The following AKT3 variants were observed in gnomAD, a reference collection of about 807,000 sequenced individuals.
AKT3 encodes the protein AKT serine/threonine kinase 3, also known as RAC-gamma serine/threonine-protein kinase.
Under a neutral mutation model 65.3 loss-of-function variants are expected in AKT3, and 15 were observed. That is an observed-to-expected ratio of 0.23 (90% CI 0.15 to 0.35). The LOEUF is 0.35. Among genes scored for constraint, AKT3 ranks in the 10% least tolerant of loss-of-function variants. The pLI is 1.00. For synonymous variants in AKT3, 206 were observed against 183.8 expected (o/e 1.12, Z -0.98); for missense variants, 243 against 576.5 (o/e 0.42, Z 5.92).
chr1:243,778,252 T>A (rs1485236111), intron 2 of AKT3, among the ~76,000 whole-genome samples: 1 of 152,178 alleles, frequency 6.6e-6, no homozygotes, highest in South Asian at 2.1e-4. Context: ...AGCAAATCTT[T>A]GGTTATCTGT....
intron 2 of AKT3, among the ~76,000 whole-genome samples, chr1:243,788,535 A>C (rs1385782411): frequency 1.3e-5 from 2 of 152,188 alleles, no homozygotes; most frequent in African/African-American, 4.8e-5. Flanking sequence ...ACCTACACAC[A>C]TTATCCTGTA....
intron 8 of AKT3, among the ~76,000 whole-genome samples, chr1:243,573,437 T>C (rs1674706907): frequency 6.6e-6 from 1 of 152,166 alleles, no homozygotes; most frequent in Non-Finnish European, 1.5e-5. Context: ...ATATTTTCAC[T>C]TAATTATTTG....
At chr1:243,518,435 G>C (rs1417075241) in intron 12 of AKT3, among the ~76,000 whole-genome samples, 2 of 152,086 alleles carry the variant, frequency 1.3e-5, no homozygotes, top group Non-Finnish European at 2.9e-5. Flanking sequence ...GACCAGACTG[G>C]CCAACATGGT....
At chr1:243,804,708 G>A (rs562433431) in intron 2 of AKT3, among the ~76,000 whole-genome samples, 17 of 151,980 alleles carry the variant, frequency 1.1e-4, no homozygotes, top group Admixed American at 1.3e-4. Context: ...TTAGCCGGGC[G>A]TGGTGGCAGG....
At chr1:243,592,352 A>AAAAC (rs1366177213) in intron 8 of AKT3, among the ~76,000 whole-genome samples, 9 of 152,046 alleles carry the variant, frequency 5.9e-5, no homozygotes, top group African/African-American at 7.2e-5. Flanking sequence ...AAAAAGACAA[A>AAAAC]AAACAAACAA....
Position 243,569,333 on chromosome 1 carries a change from C to T in AKT3, c.819+3593G>A, listed in dbSNP as rs544000011. On this transcript the variant is annotated intron_variant, in intron 9 of 13. Transcript: ENST00000673466. ...TGCCAGGCTATTTACAAATTTATTACGAATAAGGTACATAGTCCAATACCA... is the reference window on the plus strand; with the variant it reads ...TGCCAGGCTATTTACAAATTTATTATGAATAAGGTACATAGTCCAATACCA... Among the ~76,000 whole-genome samples the T allele has an allele frequency of 3.5e-4, 53 of 152,250 alleles. 1 individual carries two copies. The highest frequency in any genetic ancestry group is 1.2e-3 in the African/African-American group (48 of 41,554).
chr1:243,646,290 G>A (rs565852825), intron 4 of AKT3, among the ~76,000 whole-genome samples: 1 of 151,750 alleles, frequency 6.6e-6, no homozygotes, highest in South Asian at 2.1e-4. Flanking sequence ...GAAAAAAATT[G>A]TTGAAAACTC....
At position 243,735,065 on chromosome 1, in the gene AKT3, T is replaced by G. The variant is rs1214929924; in HGVS notation, c.47-39349A>C. ...GGCTGCCATCTCCAATAACAACGCC[T>G]TCTTCTGTAACACCTCCTGAAGGAC... On this transcript the variant is annotated intron_variant, in intron 2 of 13. Coordinates refer to ENST00000673466, the MANE Select transcript of AKT3 (RefSeq NM_005465.7). 71 of 152,296 alleles carry G rather than the reference T, an allele frequency of 4.7e-4. 1 individual carries two copies. Among genetic ancestry groups the G allele is most frequent in the Admixed American group, 4.6e-3 (71 of 15,300 alleles). The allele number at this position is 152,296 out of a possible 1,614,324, so 9.4% of individuals were successfully genotyped here.
intron 12 of AKT3, among the ~76,000 whole-genome samples, chr1:243,543,814 T>A (rs1301518133): frequency 6.6e-6 from 1 of 152,212 alleles, no homozygotes; most frequent in Non-Finnish European, 1.5e-5. Flanking sequence ...TAGTAGAAAC[T>A]CAAGATATGT....
At chr1:243,645,809 G>A in intron 5 of AKT3, 84 bp downstream of exon 5, 7 of 1,342,424 alleles carry the variant, frequency 5.2e-6, no homozygotes, top group South Asian at 4.6e-5. Context: ...AAAACTGGCT[G>A]ACATCTTTCT....
At chr1:243,789,287 G>A (rs1691469460) in intron 2 of AKT3, among the ~76,000 whole-genome samples, 1 of 152,228 alleles carries the variant, frequency 6.6e-6, no homozygotes, top group South Asian at 2.1e-4. Context: ...TTAGAAGGCT[G>A]AGAAGGGAGG....
chr1:243,619,386 T>C (rs1678574581), intron 6 of AKT3, among the ~76,000 whole-genome samples: 1 of 152,172 alleles, frequency 6.6e-6, no homozygotes, highest in African/African-American at 2.4e-5. Flanking sequence ...CTCTTCCAGC[T>C]ATTTTAAAAT....
At chr1:243,755,839 A>C (rs138919895) in intron 2 of AKT3, among the ~76,000 whole-genome samples, 202 of 152,356 alleles carry the variant, frequency 1.3e-3, no homozygotes, top group Middle Eastern at 0.01. Flanking sequence ...GGGAATCCCC[A>C]AAGTATGCAT....
intron 2 of AKT3, among the ~76,000 whole-genome samples, chr1:243,699,072 A>C (rs2148035644): frequency 6.6e-6 from 1 of 152,222 alleles, no homozygotes; most frequent in South Asian, 2.1e-4. Flanking sequence ...GGTTGTTCTA[A>C]AATATGGACA....
Position 243,668,522 on chromosome 1 carries a change from T to C in AKT3, c.173-3639A>G, listed in dbSNP as rs538387518. 5.3e-5 allele frequency among the ~76,000 whole-genome samples: 8 copies of C among 152,020 alleles called. No homozygotes were observed. In the South Asian group the frequency reaches 1.5e-3, roughly 28 times the overall value. ...ATCAGGCTTTGAAGAAAAAAAGATA[T>C]GAAATAGCACTCTGGGAAAATCAAA... On this transcript the variant is annotated intron_variant, in intron 3 of 13. Coordinates refer to ENST00000673466, the MANE Select transcript of AKT3 (RefSeq NM_005465.7).
intron 8 of AKT3, among the ~76,000 whole-genome samples, chr1:243,583,139 A>G (rs1384277968): frequency 1.4e-5 from 2 of 144,012 alleles, no homozygotes; most frequent in Non-Finnish European, 3.0e-5. Context: ...TATTCCATAT[A>G]TATATCTCTC....
chr1:243,784,124 G>A (rs979873015), intron 2 of AKT3, among the ~76,000 whole-genome samples: 1 of 152,112 alleles, frequency 6.6e-6, no homozygotes, highest in African/African-American at 2.4e-5. Context: ...CAGAGATGAG[G>A]GAGGGAGAAA....
intron 4 of AKT3, among the ~76,000 whole-genome samples, chr1:243,660,265 C>G (rs1327873410): frequency 3.9e-5 from 6 of 151,942 alleles, no homozygotes; most frequent in Non-Finnish European, 8.8e-5. Context: ...AGTTTATTTG[C>G]GTAGAGGTGT....
intron 6 of AKT3, among the ~76,000 whole-genome samples, chr1:243,631,661 T>G (rs2147791920): frequency 6.6e-6 from 1 of 152,346 alleles, no homozygotes; most frequent in Non-Finnish European, 1.5e-5. Flanking sequence ...GGCTTTCTCT[T>G]TCGCATGCCA....
Sources: allele counts gnomAD v4.1 joint callset (sites outside exome capture counted in the v4.1 genomes callset), GRCh38; gene constraint gnomAD v4.1.1; transcripts MANE v1.5; gene names NCBI Gene and HGNC (gene_info 2026-07-23, HGNC 2026-07-21).